Variants in TRPM3 observed in about 807,000 individuals in gnomAD.
TRPM3 encodes the protein transient receptor potential cation channel subfamily M member 3.
In TRPM3, 77 loss-of-function variants were observed where a neutral mutation model predicts 181.2. The ratio of observed to expected loss-of-function variants is 0.42; its 90% CI spans 0.35 to 0.51. TRPM3 has a LOEUF of 0.51. Among genes scored for constraint, TRPM3 ranks in the 20% least tolerant of loss-of-function variants. The pLI is 0.01. For synonymous variants in TRPM3, 745 were observed against 796.4 expected, an observed-to-expected ratio of 0.94 and a Z score of 1.09; for missense variants, 1,759 against 2,196.7, an observed-to-expected ratio of 0.80 and a Z score of 3.98.
chr9:70,745,625 T>G (rs2075016090), intron 8 of TRPM3, among the ~76,000 whole-genome samples: 2 of 152,302 alleles, frequency 1.3e-5, no homozygotes, highest in South Asian at 4.1e-4. Context: ...GATGCATGAC[T>G]CTATGACTTT....
intron 6 of TRPM3, among the ~76,000 whole-genome samples, chr9:70,786,213 C>T (rs996150451): frequency 6.7e-6 from 1 of 150,146 alleles, no homozygotes; most frequent in Non-Finnish European, 1.5e-5. Context: ...GCCTGTAATC[C>T]CAGCACTTTG....
chr9:71,436,433 G>T (rs2094039848), intron 1 of TRPM3, among the ~76,000 whole-genome samples: 1 of 151,268 alleles, frequency 6.6e-6, no homozygotes, highest in Non-Finnish European at 1.5e-5. Flanking sequence ...CTCCAGAGTA[G>T]CTGGGATTAC....
chr9:71,063,679 G>A (rs745369511), intron 1 of TRPM3, among the ~76,000 whole-genome samples: 2 of 152,046 alleles, frequency 1.3e-5, no homozygotes, highest in Non-Finnish European at 1.5e-5. Flanking sequence ...TGGCTGAGGG[G>A]GCTGAGGGGA....
At chr9:70,817,209 T>C (rs1216814611) in intron 6 of TRPM3, among the ~76,000 whole-genome samples, 1 of 152,220 alleles carries the variant, frequency 6.6e-6, no homozygotes, top group African/African-American at 2.4e-5. Context: ...GGTGTTAGCA[T>C]GTGACAAAAT....
intron 1 of TRPM3, among the ~76,000 whole-genome samples, chr9:71,423,855 C>T (rs533992678): frequency 1.1e-4 from 17 of 152,054 alleles, no homozygotes; most frequent in Non-Finnish European, 2.2e-4. Flanking sequence ...GGAGACAACA[C>T]CAGAGTAATC....
At chr9:70,957,152 C>T (rs1056152887) in intron 1 of TRPM3, among the ~76,000 whole-genome samples, 7 of 151,918 alleles carry the variant, frequency 4.6e-5, no homozygotes, top group Admixed American at 1.3e-4. Flanking sequence ...TTAGTAGAGA[C>T]GGGGTTTCAC....
intron 1 of TRPM3, among the ~76,000 whole-genome samples, chr9:71,169,924 C>T (rs1228060637): frequency 2.7e-5 from 4 of 146,444 alleles, no homozygotes; most frequent in Non-Finnish European, 4.5e-5. Context: ...ATCCCTGGAA[C>T]CCAGAAGGAA....
At chr9:71,305,350 T>G (rs912287509) in intron 1 of TRPM3, among the ~76,000 whole-genome samples, 3 of 152,122 alleles carry the variant, frequency 2.0e-5, no homozygotes, top group African/African-American at 7.2e-5. Context: ...AAATAAACCT[T>G]TCCAGGAATG....
At chr9:71,409,553 G>A (rs1376697038) in intron 1 of TRPM3, among the ~76,000 whole-genome samples, 1 of 151,700 alleles carries the variant, frequency 6.6e-6, no homozygotes, top group African/African-American at 2.4e-5. Flanking sequence ...TTCAACAAGT[G>A]CTAACTATCC....
chr9:70,934,130 C>G (rs1404640145), intron 1 of TRPM3, among the ~76,000 whole-genome samples: 1 of 152,104 alleles, frequency 6.6e-6, no homozygotes, highest in Non-Finnish European at 1.5e-5. Context: ...TCTCAAGGCT[C>G]TATTCTTTAA....
At chr9:70,870,708 C>T (rs1211322995) in intron 1 of TRPM3, among the ~76,000 whole-genome samples, 4 of 151,716 alleles carry the variant, frequency 2.6e-5, no homozygotes, top group South Asian at 2.1e-4. Flanking sequence ...TGCTTAATTA[C>T]GTAGAGAAAT....
chr9:71,031,975 T>TATATATATATATATA (rs1173238056), intron 1 of TRPM3, among the ~76,000 whole-genome samples: 3,441 of 7,590 alleles, frequency 0.45, 332 homozygotes, highest in Non-Finnish European at 0.47. Flanking sequence ...ATATATATTA[T>TATATATATATATATA]ATATATATAT....
At chr9:70,764,614 G>T (rs985923052) in intron 7 of TRPM3, among the ~76,000 whole-genome samples, 1 of 152,170 alleles carries the variant, frequency 6.6e-6, no homozygotes, top group Non-Finnish European at 1.5e-5. Context: ...CCCAGTTGCT[G>T]AAGTTGTGGC....
chr9:71,150,444 T>G (rs2075672515), intron 1 of TRPM3, among the ~76,000 whole-genome samples: 1 of 152,136 alleles, frequency 6.6e-6, no homozygotes, highest in Non-Finnish European at 1.5e-5. Flanking sequence ...CTCTTATACC[T>G]TTGAACAAGC....
In TRPM3 at chr9:70,657,939, C is replaced by A. The variant is rs546851119; in HGVS notation, c.1346-17279G>T. 9.9e-4 allele frequency among the ~76,000 whole-genome samples: 150 copies of A among 152,144 alleles called. 2 individuals are homozygous for A. Among genetic ancestry groups the A allele is most frequent in the African/African-American group, 3.5e-3 (146 of 41,518 alleles). On this transcript the variant is annotated intron_variant, in intron 9 of 25. Coordinates refer to ENST00000677713, the MANE Select transcript of TRPM3 (RefSeq NM_001366145.2). ...CCAATTTTGAGAGAGAAAATAAATT[C>A]AGTTTCTATAAATTAATCATCAATG...
At chr9:71,232,491 CTTTTTTTTTTTTT>C (rs71352362) in intron 1 of TRPM3, among the ~76,000 whole-genome samples, 1,942 of 59,294 alleles carry the variant, frequency 0.033, 57 homozygotes, top group Admixed American at 0.044. Flanking sequence ...AATTCAGTGT[CTTTTTTTTTTTTT>C]TTTTTTTTTT....
intron 1 of TRPM3, among the ~76,000 whole-genome samples, chr9:71,339,609 A>T (rs2090813733): frequency 1.3e-5 from 2 of 152,146 alleles, no homozygotes; most frequent in Non-Finnish European, 2.9e-5. Flanking sequence ...CATAATTATC[A>T]TCTATTTGGG....
chr9:71,341,491 A>G (rs1367681432), intron 1 of TRPM3, among the ~76,000 whole-genome samples: 1 of 152,098 alleles, frequency 6.6e-6, no homozygotes, highest in Admixed American at 6.6e-5. Context: ...CTGGAAAACT[A>G]CAGACGAACT....
At chr9:71,375,438 C>A (rs1174739461) in intron 1 of TRPM3, among the ~76,000 whole-genome samples, 1 of 152,120 alleles carries the variant, frequency 6.6e-6, no homozygotes, top group Non-Finnish European at 1.5e-5. Flanking sequence ...AAAATCGAGG[C>A]AATATCATTC....
Sources: allele counts gnomAD v4.1 joint callset (sites outside exome capture counted in the v4.1 genomes callset), GRCh38; gene constraint gnomAD v4.1.1; transcripts MANE v1.5; gene names NCBI Gene and HGNC (gene_info 2026-07-23, HGNC 2026-07-21).